The following THSD7A variants were observed in gnomAD, a reference collection of about 807,000 sequenced individuals.
The protein encoded by THSD7A is thrombospondin type-1 domain-containing protein 7A.
THSD7A carries 96 observed loss-of-function variants against 231.3 expected under a neutral mutation model. That is an observed-to-expected ratio of 0.41 (90% CI 0.35 to 0.49). The LOEUF is 0.49. Ranked by LOEUF, THSD7A falls within the 20% of genes least tolerant of loss-of-function variation. The pLI is 0.05. For missense variants in THSD7A, 2,290 were observed against 2,070.2 expected, an observed-to-expected ratio of 1.11 and a Z score of -2.06; for synonymous variants, 940 against 743.3, an observed-to-expected ratio of 1.26 and a Z score of -4.30.
intron 23 of THSD7A, among the ~76,000 whole-genome samples, chr7:11,395,499 C>A (rs1029654614): frequency 6.6e-6 from 1 of 151,898 alleles, no homozygotes; most frequent in East Asian, 1.9e-4. Flanking sequence ...AACTCTCCAC[C>A]CCAAATCAAC....
chr7:11,698,937 G>A, intron 1 of THSD7A, among the ~76,000 whole-genome samples: 1 of 148,646 alleles, frequency 6.7e-6, no homozygotes, highest in East Asian at 2.0e-4. Context: ...TAAAATATAA[G>A]CATATTTGCA....
At chr7:11,545,447 G>A (rs1012271630) in intron 4 of THSD7A, among the ~76,000 whole-genome samples, 2 of 152,194 alleles carry the variant, frequency 1.3e-5, no homozygotes, top group Non-Finnish European at 1.5e-5. Context: ...ATGGCTGACA[G>A]GAAGAGCTTC....
At chr7:11,457,042 G>C (rs1406996727) in intron 11 of THSD7A, among the ~76,000 whole-genome samples, 1 of 151,664 alleles carries the variant, frequency 6.6e-6, no homozygotes, top group Non-Finnish European at 1.5e-5. Flanking sequence ...GTGCAAACTT[G>C]TTAGAGAAAA....
chr7:11,796,569 T>A (rs1363665956), intron 1 of THSD7A, among the ~76,000 whole-genome samples: 1 of 152,056 alleles, frequency 6.6e-6, no homozygotes, highest in Non-Finnish European at 1.5e-5. Context: ...ATGTTTTCAA[T>A]AAAATGTGTG....
chr7:11,776,579 T>A lies in THSD7A; in HGVS notation c.190+55178A>T, dbSNP rs766527090. On this transcript the variant is annotated intron_variant, in intron 1 of 27. Transcript: ENST00000423059. ...CTTGAAGCACTGTATAAGGTTTGTC[T>A]TTGGGGATTCTTCTATTTTGATGTT... 8.8e-4 allele frequency among the ~76,000 whole-genome samples: 134 copies of A among 152,320 alleles called. 1 individual carries two copies. Among genetic ancestry groups the A allele is most frequent in the Non-Finnish European group, 1.4e-3 (96 of 68,020 alleles).
rs544732989 is a variant in THSD7A, at chr7:11,379,377, T to C, written c.4591-97A>G. On this transcript the variant is annotated intron_variant, in intron 25 of 27. Coordinates refer to ENST00000423059, the MANE Select transcript of THSD7A (RefSeq NM_015204.3). ...GAGAAGGCTTTAAACAAGGTTTGTTTTGGGAATTACTATACATAATTCCTC... is the reference window on the plus strand; with the variant it reads ...GAGAAGGCTTTAAACAAGGTTTGTTCTGGGAATTACTATACATAATTCCTC... The C allele has an allele frequency of 3.7e-5, 46 of 1,249,442 alleles. No individual in the cohort carries two copies. The Middle Eastern group carries it at 1.4e-3, about 37-fold the overall frequency. The allele number at this position is 1,249,442 out of a possible 1,614,324, so 77.4% of individuals were successfully genotyped here.
intron 6 of THSD7A, among the ~76,000 whole-genome samples, chr7:11,508,625 T>A (rs1034529665): frequency 6.6e-6 from 1 of 152,228 alleles, no homozygotes; most frequent in African/African-American, 2.4e-5. Context: ...AATCAGGATG[T>A]CAAAGAGATA....
rs185510538 is a variant in THSD7A at position 11,689,143 on chromosome 7, A to G, written c.191-52182T>C. On this transcript the variant is annotated intron_variant, in intron 1 of 27. Transcript: ENST00000423059. ...GCTTTAGACAGGATAGACCTAAGTC[A>G]TAAAAGTCTTAGAGTCTGAGCCACG... 2.3e-3 allele frequency among the ~76,000 whole-genome samples: 345 copies of G among 151,974 alleles called. 3 individuals carry two copies. The highest frequency in any genetic ancestry group is 7.9e-3 in the African/African-American group (330 of 41,542).
At chr7:11,572,215 T>G (rs764408061) in intron 4 of THSD7A, among the ~76,000 whole-genome samples, 7 of 152,088 alleles carry the variant, frequency 4.6e-5, no homozygotes, top group Non-Finnish European at 1.0e-4. Flanking sequence ...TCCCACCTTG[T>G]GTTTACTTTG....
intron 7 of THSD7A, among the ~76,000 whole-genome samples, chr7:11,478,061 T>TAA (rs1297633933): frequency 1.3e-5 from 2 of 152,120 alleles, no homozygotes; most frequent in Non-Finnish European, 2.9e-5. Context: ...TCTCCAGCAA[T>TAA]AAAAAAACCA....
intron 22 of THSD7A, among the ~76,000 whole-genome samples, chr7:11,404,382 G>A (rs940865254): frequency 2.0e-5 from 3 of 152,190 alleles, no homozygotes; most frequent in East Asian, 3.8e-4. Context: ...AAGGATGCCC[G>A]TTCTGCTCAA....
In THSD7A at chr7:11,400,711, G is replaced by A. The variant is rs62438163; in HGVS notation, c.4411+1084C>T. 4.6e-3 allele frequency among the ~76,000 whole-genome samples: 696 copies of A among 152,120 alleles called. 3 individuals are homozygous for A. Among genetic ancestry groups the A allele is most frequent in the Middle Eastern group, 0.01 (3 of 294 alleles). On this transcript the variant is annotated intron_variant, in intron 23 of 27. Transcript: ENST00000423059. ...AGCAGGTAATTCCATCTAATTCTTG[G>A]GCTAAGTCATCTAGCCCATTTGGTT...
intron 6 of THSD7A, among the ~76,000 whole-genome samples, chr7:11,527,053 T>C (rs1422070803): frequency 6.6e-6 from 1 of 152,174 alleles, no homozygotes; most frequent in African/African-American, 2.4e-5. Context: ...GTTTAAATGT[T>C]GTTTCTAAGG....
chr7:11,746,020 A>G (rs189596786), intron 1 of THSD7A, among the ~76,000 whole-genome samples: 593 of 152,104 alleles, frequency 3.9e-3, no homozygotes, highest in Non-Finnish European at 6.7e-3. Context: ...CATTGAATCT[A>G]TAAATTACCT....
At chr7:11,472,594 G>T (rs1562637211) in intron 8 of THSD7A, among the ~76,000 whole-genome samples, 1 of 152,044 alleles carries the variant, frequency 6.6e-6, no homozygotes. Context: ...AGGCTGCAAG[G>T]GTGAAGCAAA....
At chr7:11,736,535 A>G (rs891979491) in intron 1 of THSD7A, among the ~76,000 whole-genome samples, 4 of 96,752 alleles carry the variant, frequency 4.1e-5, no homozygotes, top group African/African-American at 2.9e-4. Flanking sequence ...ATAGAACTCA[A>G]TTAGGCTTTT....
intron 1 of THSD7A, among the ~76,000 whole-genome samples, chr7:11,740,375 T>C (rs530188830): frequency 5.9e-5 from 9 of 152,112 alleles, no homozygotes; most frequent in South Asian, 2.1e-4. Context: ...ACAGTGATCA[T>C]TGTGGAAGCT....
intron 1 of THSD7A, among the ~76,000 whole-genome samples, chr7:11,692,260 C>T (rs974341249): frequency 7.9e-5 from 12 of 151,504 alleles, no homozygotes; most frequent in Admixed American, 7.3e-4. Context: ...AATGGCTTCA[C>T]GTACTTCCTA....
At chr7:11,629,519 A>G (rs1781580874) in intron 2 of THSD7A, among the ~76,000 whole-genome samples, 1 of 152,198 alleles carries the variant, frequency 6.6e-6, no homozygotes, top group Admixed American at 6.5e-5. Flanking sequence ...TGGATTCTGA[A>G]CAACCTAAAA....
Sources: gnomAD v4.1 joint callset for allele counts (sites outside exome capture counted in the v4.1 genomes callset) on GRCh38, gnomAD v4.1.1 for gene constraint, MANE v1.5 for transcripts, NCBI Gene and HGNC (gene_info 2026-07-23, HGNC 2026-07-21) for gene names.